VPS13B: variants seen among roughly 807,000 people sequenced by gnomAD.
VPS13B encodes vacuolar protein sorting 13 homolog B, also known as intermembrane lipid transfer protein VPS13B.
Under a neutral mutation model 426.4 loss-of-function variants are expected in VPS13B, and 285 were observed. That is an observed-to-expected ratio of 0.67 (90% confidence interval 0.61 to 0.74). VPS13B has a LOEUF of 0.74. Ranked by LOEUF, VPS13B falls within the 30% of genes least tolerant of loss-of-function variation. The probability of loss-of-function intolerance (pLI) is 0.00; values close to 1 mark genes in which losing one functional copy is unlikely to be tolerated. For missense variants in VPS13B, 4,537 were observed against 4,782.6 expected, an observed-to-expected ratio of 0.95 and a Z score of 1.51; for synonymous variants, 1,676 against 1,676.4, an observed-to-expected ratio of 1.00 and a Z score of 0.01.
chr8:99,232,922 G>A lies in VPS13B; in HGVS notation c.2515+39865G>A, dbSNP rs537063507. 6.7e-4 allele frequency: 390 copies of A among 582,246 alleles called. 3 individuals are homozygous for A. The East Asian group carries it at 8.5e-3, about 13-fold the overall frequency. The allele number at this position is 582,246 out of a possible 1,614,324, so 36.1% of individuals were successfully genotyped here. ...CTCTGCAGAGTCCCTGGCCGCCTCC[G>A]CAGACTTCTCATTCCTCAGATGGTC... On this transcript the variant is annotated intron_variant, in intron 17 of 61. Coordinates refer to ENST00000357162, the MANE Select transcript of VPS13B (RefSeq NM_152564.5).
At chr8:99,510,567 A>G (rs1333879210) in intron 28 of VPS13B, among the ~76,000 whole-genome samples, 1 of 152,188 alleles carries the variant, frequency 6.6e-6, no homozygotes, top group African/African-American at 2.4e-5. Flanking sequence ...CCGTGGCTCA[A>G]TCTCGGCTCA....
intron 30 of VPS13B, among the ~76,000 whole-genome samples, chr8:99,537,859 G>A (rs1308473817): frequency 6.6e-6 from 1 of 152,120 alleles, no homozygotes; most frequent in African/African-American, 2.4e-5. Context: ...CTTCCTTAAT[G>A]TGTAGGGTCA....
chr8:99,461,557 C>G (rs1818834632), intron 23 of VPS13B, among the ~76,000 whole-genome samples: 1 of 151,894 alleles, frequency 6.6e-6, no homozygotes, highest in Non-Finnish European at 1.5e-5. Context: ...TTACCGATTT[C>G]TTTAAGGTTA....
At chr8:99,071,463 G>C (rs1171497902) in intron 3 of VPS13B, among the ~76,000 whole-genome samples, 1 of 152,146 alleles carries the variant, frequency 6.6e-6, no homozygotes, top group Non-Finnish European at 1.5e-5. Flanking sequence ...TTCAGGCGGG[G>C]AAAAAGGTGA....
At chr8:99,747,949 T>A (rs1810183621) in intron 39 of VPS13B, among the ~76,000 whole-genome samples, 1 of 152,014 alleles carries the variant, frequency 6.6e-6, no homozygotes, top group South Asian at 2.1e-4. Flanking sequence ...TAAGACCTAG[T>A]CTATGGGCAC....
intron 3 of VPS13B, among the ~76,000 whole-genome samples, chr8:99,039,423 G>A (rs1049543199): frequency 2.6e-5 from 4 of 151,864 alleles, no homozygotes; most frequent in African/African-American, 9.7e-5. Context: ...GTTTTAAAGA[G>A]TTTCTACCAA....
chr8:99,859,395 G>A lies in VPS13B; in HGVS notation c.10959G>A (p.Pro3653=), dbSNP rs771022240. The change falls in exon 57 of 62, where the codon CCG becomes CCA. Residue 3653 remains proline (P), a synonymous_variant. Transcript: ENST00000357162. ...GGGTCGCCGACTTCTTCAGGCTTCC[G>A]TATGAGGGGCTGACCCGGGGCCCTG... The part of the protein sequence containing the change: ...GNGVADFFRL[P]YEGLTRGPGA... 5.0e-5 allele frequency: 80 copies of A among 1,614,032 alleles called. No homozygotes were observed. The highest frequency in any genetic ancestry group is 9.3e-5 in the African/African-American group (7 of 74,902).
rs182546002 is a variant in VPS13B at position 99,708,315 on chromosome 8, T to C, written c.6454+8383T>C. 1.1e-4 allele frequency among the ~76,000 whole-genome samples: 17 copies of C among 152,228 alleles called. No individual in the cohort carries two copies. The East Asian group carries it at 3.1e-3, about 28-fold the overall frequency. ...CATATCCTCCATCACCCTTTGGTAT[T>C]TTTAGTTTTCATTTTTCCAGGATCC... On this transcript the variant is annotated intron_variant, in intron 36 of 61. Transcript: ENST00000357162.
chr8:99,598,978 A>G (rs1827155551), intron 33 of VPS13B, among the ~76,000 whole-genome samples: 1 of 151,952 alleles, frequency 6.6e-6, no homozygotes, highest in Admixed American at 6.6e-5. Context: ...AAACATTTCT[A>G]AAGTAGTGGT....
chr8:99,094,670 G>A (rs530098961), intron 3 of VPS13B, among the ~76,000 whole-genome samples: 5 of 152,136 alleles, frequency 3.3e-5, no homozygotes, highest in Admixed American at 6.5e-5. Flanking sequence ...TAGTGTGATA[G>A]TGAATAAAAG....
At chr8:99,841,757 G>A (rs1407982976) in intron 54 of VPS13B, among the ~76,000 whole-genome samples, 1 of 152,076 alleles carries the variant, frequency 6.6e-6, no homozygotes, top group Non-Finnish European at 1.5e-5. Flanking sequence ...AACGTCTCTG[G>A]AATCTGCCCC....
intron 14 of VPS13B, among the ~76,000 whole-genome samples, chr8:99,155,872 T>C (rs1811333387): frequency 6.6e-6 from 1 of 152,166 alleles, no homozygotes; most frequent in African/African-American, 2.4e-5. Flanking sequence ...AGGTAGAGCA[T>C]TTTAAGGGAG....
intron 17 of VPS13B, among the ~76,000 whole-genome samples, chr8:99,201,785 C>T (rs1814340923): frequency 6.6e-6 from 1 of 152,034 alleles, no homozygotes; most frequent in African/African-American, 2.4e-5. Flanking sequence ...TAGTGAATGT[C>T]TTACTATTTC....
rs112941162 is a variant in VPS13B at position 99,471,347 on chromosome 8, A to G, written c.3666+3713A>G. Among the ~76,000 whole-genome samples, 592 of 152,290 alleles carry G rather than the reference A, an allele frequency of 3.9e-3. 6 individuals carry two copies. The highest frequency in any genetic ancestry group is 0.013 in the African/African-American group (527 of 41,592). Reference sequence around the variant, plus strand: ...TCAGTGTATGTAGATGTAGCATACAAGACAACTATAGCATTAAGGCTAGTG... The same window carrying G: ...TCAGTGTATGTAGATGTAGCATACAGGACAACTATAGCATTAAGGCTAGTG... On this transcript the variant is annotated intron_variant, in intron 24 of 61. Coordinates refer to ENST00000357162, the MANE Select transcript of VPS13B (RefSeq NM_152564.5).
intron 19 of VPS13B, among the ~76,000 whole-genome samples, chr8:99,323,776 G>A (rs1470197311): frequency 6.6e-6 from 1 of 152,150 alleles, no homozygotes; most frequent in Non-Finnish European, 1.5e-5. Flanking sequence ...TAATTAGCTT[G>A]CATTTTGATT....
In VPS13B at chr8:99,274,153, A is replaced by T. The variant is rs775434413; in HGVS notation, c.2516-45A>T. ...GCCTTGGTGAAGGAATATAAAAATTATTTAAATTCAATCGGCTAGTACATT... is the reference window on the plus strand; with the variant it reads ...GCCTTGGTGAAGGAATATAAAAATTTTTTAAATTCAATCGGCTAGTACATT... On this transcript the variant is annotated intron_variant, in intron 17 of 61. Coordinates refer to ENST00000357162, the MANE Select transcript of VPS13B (RefSeq NM_152564.5). 3.7e-6 allele frequency: 6 copies of T among 1,612,070 alleles called. No homozygotes were observed. The South Asian group carries it at 5.5e-5, about 15-fold the overall frequency.
intron 24 of VPS13B, among the ~76,000 whole-genome samples, chr8:99,470,387 A>C (rs1325742862): frequency 6.6e-6 from 1 of 152,152 alleles, no homozygotes; most frequent in Non-Finnish European, 1.5e-5. Flanking sequence ...AGAAATTTTT[A>C]TGAGGTGCAA....
intron 17 of VPS13B, among the ~76,000 whole-genome samples, chr8:99,194,521 G>C (rs1468072734): frequency 6.6e-6 from 1 of 152,176 alleles, no homozygotes; most frequent in Non-Finnish European, 1.5e-5. Flanking sequence ...ATTTAAGTGA[G>C]ATCCTGCAGT....
At chr8:99,044,992 T>TA (rs59223369) in intron 3 of VPS13B, among the ~76,000 whole-genome samples, 112,398 of 151,800 alleles carry the variant, frequency 0.74, 42,292 homozygotes, top group South Asian at 0.87. Flanking sequence ...TGTTTTGCTA[T>TA]AAACATGTGT....
Sources: allele counts gnomAD v4.1 joint callset (sites outside exome capture counted in the v4.1 genomes callset), GRCh38; gene constraint gnomAD v4.1.1; transcripts MANE v1.5; gene names NCBI Gene and HGNC (gene_info 2026-07-23, HGNC 2026-07-21).